The following GCNT2 variants were observed in gnomAD, a reference collection of about 807,000 sequenced individuals.
GCNT2 encodes N-acetyllactosaminide beta-1,6-N-acetylglucosaminyl-transferase.
In GCNT2, 34 loss-of-function variants were observed where a neutral mutation model predicts 34.2. The ratio of observed to expected loss-of-function variants is 1.00; its 90% CI spans 0.76 to 1.32. The LOEUF (loss-of-function observed/expected upper bound fraction) is 1.32, where lower values mean the gene tolerates loss of function less well. GCNT2 is among the 40% of genes most tolerant of loss of function. GCNT2 has a pLI of 0.00. For missense variants in GCNT2, 584 were observed against 489.4 expected (o/e 1.19, Z -1.82); for synonymous variants, 212 against 188.0 (o/e 1.13, Z -1.04).
chr6:10,540,302 T>C (rs1434541871), intron 3 of GCNT2, among the ~76,000 whole-genome samples: 2 of 152,228 alleles, frequency 1.3e-5, no homozygotes, highest in Admixed American at 1.3e-4. Context: ...CACTTTAGAC[T>C]TGTCTGAAGC....
At chr6:10,586,867 C>A (rs1228519266) in intron 3 of GCNT2, 1 of 1,613,860 alleles carries the variant, frequency 6.2e-7, no homozygotes, top group Admixed American at 1.7e-5. Context: ...TCAAAAGATA[C>A]CTATAGTCCT....
At chr6:10,558,267 T>C (rs892762354) in intron 3 of GCNT2, among the ~76,000 whole-genome samples, 1 of 152,178 alleles carries the variant, frequency 6.6e-6, no homozygotes, top group Non-Finnish European at 1.5e-5. Flanking sequence ...AAATGCTCAA[T>C]AAGTATATAT....
At chr6:10,595,799 T>G (rs1459949235) in intron 3 of GCNT2, among the ~76,000 whole-genome samples, 1 of 152,196 alleles carries the variant, frequency 6.6e-6, no homozygotes, top group East Asian at 1.9e-4. Flanking sequence ...CCCATCCTCT[T>G]TGCAGAGGAG....
intron 1 of GCNT2, among the ~76,000 whole-genome samples, chr6:10,523,553 A>G (rs1316059044): frequency 6.6e-6 from 1 of 151,964 alleles, no homozygotes; most frequent in Non-Finnish European, 1.5e-5. Context: ...TCTTCCCCAC[A>G]GCTTTCCATC....
intron 3 of GCNT2, among the ~76,000 whole-genome samples, chr6:10,615,348 T>A (rs922758385): frequency 1.3e-5 from 2 of 151,658 alleles, no homozygotes; most frequent in Non-Finnish European, 2.9e-5. Context: ...AGGATCTCAC[T>A]GTGTTACCCA....
At chr6:10,544,099 A>C (rs1762158664) in intron 3 of GCNT2, among the ~76,000 whole-genome samples, 1 of 151,332 alleles carries the variant, frequency 6.6e-6, no homozygotes, top group South Asian at 2.1e-4. Context: ...GGATCACCTG[A>C]GATCAGGAGT....
At chr6:10,544,498 G>C (rs542486351) in intron 3 of GCNT2, among the ~76,000 whole-genome samples, 1 of 150,046 alleles carries the variant, frequency 6.7e-6, no homozygotes, top group Admixed American at 6.7e-5. Context: ...CCAGCTACTC[G>C]GGAGGCTGAG....
At chr6:10,574,941 A>T in intron 3 of GCNT2, 1 of 720,930 alleles carries the variant, frequency 1.4e-6, no homozygotes, top group South Asian at 1.4e-5. Context: ...TAGAGTGCTT[A>T]ATGTGCTCAA....
At chr6:10,586,618 T>A in intron 3 of GCNT2, 1 of 1,614,180 alleles carries the variant, frequency 6.2e-7, no homozygotes, top group South Asian at 1.1e-5. Context: ...CTGAAAGGAT[T>A]TAAAGGGAAA....
chr6:10,560,603 A>C (rs2113681293), intron 3 of GCNT2, among the ~76,000 whole-genome samples: 1 of 152,322 alleles, frequency 6.6e-6, no homozygotes, highest in East Asian at 1.9e-4. Context: ...CCCCAAGAGC[A>C]ATGTGACCGA....
At chr6:10,556,120 A>G in intron 3 of GCNT2, 2 of 1,275,522 alleles carry the variant, frequency 1.6e-6, no homozygotes, top group Non-Finnish European at 2.0e-6. Flanking sequence ...CCGGAGTTTT[A>G]GCAAAACAGC....
rs886622110 is a variant in GCNT2, at chr6:10,585,723, G to A, written c.926-35628G>A. 9 of 1,345,930 alleles carry A rather than the reference G, an allele frequency of 6.7e-6. No individual in the cohort carries two copies. The African/African-American group carries it at 1.0e-4, about 15-fold the overall frequency. The allele number at this position is 1,345,930 out of a possible 1,614,324, so 83.4% of individuals were successfully genotyped here. On this transcript the variant is annotated intron_variant, in intron 3 of 4. Coordinates refer to ENST00000495262, the MANE Select transcript of GCNT2 (RefSeq NM_145649.5). The stretch of plus-strand genomic sequence containing the variant: ...GCTGGACTGGGCTGGGCTTAGCTGA[G>A]CCTTTGCAAACAGCAGGGATTCAAC...
intron 3 of GCNT2, among the ~76,000 whole-genome samples, chr6:10,616,854 C>T (rs1329309030): frequency 6.6e-6 from 1 of 152,144 alleles, no homozygotes; most frequent in Admixed American, 6.5e-5. Context: ...TTCACAAAAC[C>T]TGAGCTAGAC....
chr6:10,616,462 G>T (rs1765769550), intron 3 of GCNT2, among the ~76,000 whole-genome samples: 1 of 152,284 alleles, frequency 6.6e-6, no homozygotes, highest in Admixed American at 6.5e-5. Context: ...CTGCTGATTG[G>T]TCTGTTTTAC....
intron 3 of GCNT2, among the ~76,000 whole-genome samples, chr6:10,616,855 TGAGCTA>T (rs1190497928): frequency 6.6e-6 from 1 of 152,198 alleles, no homozygotes; most frequent in Non-Finnish European, 1.5e-5. Flanking sequence ...TCACAAAACC[TGAGCTA>T]GACACAGGGT....
chr6:10,555,983 C>G, intron 3 of GCNT2: 1 of 1,069,268 alleles, frequency 9.4e-7, no homozygotes, highest in Non-Finnish European at 1.1e-6. Flanking sequence ...CCTGCCAGAG[C>G]TCATCACTTC....
chr6:10,615,419 A>C (rs1561838650), intron 3 of GCNT2, among the ~76,000 whole-genome samples: 1 of 152,090 alleles, frequency 6.6e-6, no homozygotes, highest in Non-Finnish European at 1.5e-5. Flanking sequence ...TGCTCAGATG[A>C]TCCTTCCACC....
chr6:10,603,309 C>A (rs1765158393), intron 3 of GCNT2, among the ~76,000 whole-genome samples: 1 of 152,162 alleles, frequency 6.6e-6, no homozygotes, highest in Non-Finnish European at 1.5e-5. Flanking sequence ...ACGTTATTGT[C>A]ATAAGCTCAC....
intron 3 of GCNT2, chr6:10,581,899 G>T: frequency 5.1e-6 from 5 of 981,826 alleles, no homozygotes; most frequent in Non-Finnish European, 6.0e-6. Context: ...ATGGGTTATT[G>T]GATTGTTCCC....
Sources: allele counts gnomAD v4.1 joint callset (sites outside exome capture counted in the v4.1 genomes callset), GRCh38; gene constraint gnomAD v4.1.1; transcripts MANE v1.5; gene names NCBI Gene and HGNC (gene_info 2026-07-23, HGNC 2026-07-21).